FIG4: variants seen among roughly 807,000 people sequenced by gnomAD.
FIG4 encodes the protein polyphosphoinositide phosphatase.
Under a neutral mutation model 118.6 loss-of-function variants are expected in FIG4, and 112 were observed. The observed-to-expected ratio is 0.94, with a 90% confidence interval of 0.81 to 1.11. The LOEUF (loss-of-function observed/expected upper bound fraction) is 1.11, where lower values mean the gene tolerates loss of function less well. Among genes scored for constraint, FIG4 ranks in the 50% least tolerant of loss-of-function variants. The pLI is 0.00. For missense variants in FIG4, 969 were observed against 1,111.7 expected, an observed-to-expected ratio of 0.87 and a Z score of 1.83; for synonymous variants, 369 against 381.2, an observed-to-expected ratio of 0.97 and a Z score of 0.37.
intron 21 of FIG4, among the ~76,000 whole-genome samples, chr6:109,793,041 ATTCCACTTAAAATGCAG>A (rs1395666357): frequency 6.6e-6 from 1 of 152,200 alleles, no homozygotes; most frequent in East Asian, 1.9e-4. Flanking sequence ...AAGAAAATGA[ATTCCACTTAAAATGCAG>A]TTTCAGCATT....
At chr6:109,743,844 G>A in intron 10 of FIG4, 72 bp downstream of exon 10, 2 of 1,040,552 alleles carry the variant, frequency 1.9e-6, no homozygotes, top group Non-Finnish European at 1.5e-6. Context: ...CACAGAGGGG[G>A]TTAACAAGCC....
At chr6:109,778,611 T>C (rs999209767) in intron 16 of FIG4, among the ~76,000 whole-genome samples, 1 of 152,154 alleles carries the variant, frequency 6.6e-6, no homozygotes, top group Non-Finnish European at 1.5e-5. Flanking sequence ...TTGTTTGTTT[T>C]TTTCGGAGAC....
intron 14 of FIG4, 125 bp downstream of exon 14, chr6:109,765,286 T>C (rs1777249048): frequency 2.6e-6 from 2 of 773,732 alleles, no homozygotes; most frequent in African/African-American, 3.5e-5. Flanking sequence ...CTAGAAAACA[T>C]TATTCAAACT....
chr6:109,791,465 G>C lies in FIG4; in HGVS notation c.2270G>C (p.Ser757Thr). 6.2e-7 allele frequency: 1 copy of C among 1,613,988 alleles called. No individual in the cohort carries two copies. Among genetic ancestry groups the C allele is most frequent in the Non-Finnish European group, 8.5e-7 (1 of 1,180,038 alleles). Residue 757 changes from serine (S) to threonine (T), a missense_variant, in exon 20 of 23, where the codon AGC (serine) becomes ACC (threonine). This residue lies in a region of FIG4 where 330 missense variants were observed against 348.1 expected (regional missense o/e 0.95). Transcript: ENST00000230124. Reference protein sequence around the residue: ...PPPSEEAVSSSSEDDSGTDRE... With the variant: ...PPPSEEAVSSTSEDDSGTDRE... ...CCCAGCGAGGAGGCTGTGTCCAGCA[G>C]CTCTGAGGATGACTCTGGGACTGAT...
chr6:109,691,409 G>C lies in FIG4; in HGVS notation c.-27G>C. The C allele has an allele frequency of 6.4e-7, 1 of 1,562,152 alleles. No individual in the cohort carries two copies. Among genetic ancestry groups the C allele is most frequent in the Non-Finnish European group, 8.7e-7 (1 of 1,152,384 alleles). ...GGGGCGGTCCGGAGGCTCGTGCCCTGTTGTGGGGCCCCCATTTGCCGCCGC... is the reference window on the plus strand; with the variant it reads ...GGGGCGGTCCGGAGGCTCGTGCCCTCTTGTGGGGCCCCCATTTGCCGCCGC... On this transcript the variant is annotated 5_prime_UTR_variant, in exon 1 of 23. Transcript: ENST00000230124.
At chr6:109,713,504 G>A (rs760397474) in intron 1 of FIG4, among the ~76,000 whole-genome samples, 5 of 152,192 alleles carry the variant, frequency 3.3e-5, no homozygotes. Flanking sequence ...CATTGGCACA[G>A]GGGTGGGATG....
intron 16 of FIG4, among the ~76,000 whole-genome samples, chr6:109,781,376 C>G (rs1583725253): frequency 6.6e-6 from 1 of 152,150 alleles, no homozygotes; most frequent in East Asian, 1.9e-4. Flanking sequence ...TCAAGGCCCT[C>G]CAGCATTCGG....
chr6:109,726,191 T>C (rs948297928), intron 3 of FIG4, among the ~76,000 whole-genome samples: 3 of 152,214 alleles, frequency 2.0e-5, no homozygotes, highest in African/African-American at 7.2e-5. Context: ...GTGTCTTGAA[T>C]AGTATTGCCT....
chr6:109,791,500 G>A lies in FIG4; in HGVS notation c.2305G>A (p.Glu769Lys). 6.2e-7 allele frequency: 1 copy of A among 1,614,094 alleles called. No homozygotes were observed. Among genetic ancestry groups the A allele is most frequent in the Non-Finnish European group, 8.5e-7 (1 of 1,180,046 alleles). The change falls in exon 20 of 23, where the codon GAG (glutamate) becomes AAG (lysine). Residue 769 changes from glutamate to lysine, a missense_variant. This residue lies in a region of FIG4 where 330 missense variants were observed against 348.1 expected (regional missense o/e 0.95). Coordinates refer to ENST00000230124, the MANE Select transcript of FIG4 (RefSeq NM_014845.6). ...TGACTCTGGGACTGATCGGGAAGAA[G>A]AGGGCTCTGTGTCTCAGCGCTCCAC... ...EDDSGTDREE[E>K]GSVSQRSTPV...
intron 10 of FIG4, among the ~76,000 whole-genome samples, chr6:109,755,581 T>C (rs1337774237): frequency 6.6e-6 from 1 of 152,190 alleles, no homozygotes; most frequent in African/African-American, 2.4e-5. Flanking sequence ...AAAGTCTCTT[T>C]GTAGGTCACT....
At chr6:109,822,978 CTGA>C (rs1392402215) in intron 22 of FIG4, among the ~76,000 whole-genome samples, 3 of 151,594 alleles carry the variant, frequency 2.0e-5, no homozygotes, top group Non-Finnish European at 4.4e-5. Context: ...TCTAGTGAAT[CTGA>C]TGACAAATGA....
chr6:109,798,958 G>T (rs1179325469), intron 22 of FIG4, among the ~76,000 whole-genome samples: 1 of 152,096 alleles, frequency 6.6e-6, no homozygotes, highest in African/African-American at 2.4e-5. Flanking sequence ...AAATGTGCTA[G>T]TAAAATAAGA....
chr6:109,746,527 T>C (rs533819606), intron 10 of FIG4, among the ~76,000 whole-genome samples: 1 of 151,858 alleles, frequency 6.6e-6, no homozygotes. Flanking sequence ...GTGTGGTGGG[T>C]TGGAGGAAGA....
chr6:109,786,503 G>A, intron 18 of FIG4, 54 bp downstream of exon 18: 1 of 1,587,130 alleles, frequency 6.3e-7, no homozygotes, highest in African/African-American at 1.3e-5. Flanking sequence ...AGTTTTCCTA[G>A]TTTGTATATA....
rs922260214 is a variant in FIG4 at position 109,825,209 on chromosome 6, C to T, written c.2668C>T (p.Leu890=). The change falls in exon 23 of 23, where the codon CTA becomes TTA. Residue 890 remains leucine (L), a synonymous_variant. Coordinates refer to ENST00000230124, the MANE Select transcript of FIG4 (RefSeq NM_014845.6). ...IQASQGIMQP[L]GKEDSSMYRE... ...GGCCAGCCAAGGTATCATGCAGCCCCTAGGAAAAGAGGACTCCTCCATGTA... is the reference window on the plus strand; with the variant it reads ...GGCCAGCCAAGGTATCATGCAGCCCTTAGGAAAAGAGGACTCCTCCATGTA... The T allele has an allele frequency of 1.4e-5, 22 of 1,614,126 alleles. No individual in the cohort carries two copies. Among genetic ancestry groups the T allele is most frequent in the Non-Finnish European group, 1.9e-5 (22 of 1,179,998 alleles).
At chr6:109,767,551 T>A (rs1373745584) in intron 15 of FIG4, among the ~76,000 whole-genome samples, 4 of 152,134 alleles carry the variant, frequency 2.6e-5, no homozygotes, top group South Asian at 4.1e-4. Context: ...ATAGAAAAGT[T>A]TACATAATAT....
chr6:109,784,620 G>A (rs1363665558), intron 16 of FIG4, among the ~76,000 whole-genome samples: 2 of 152,216 alleles, frequency 1.3e-5, no homozygotes, highest in African/African-American at 4.8e-5. Context: ...GTAAGTCACT[G>A]TAGGCACAGT....
chr6:109,731,656 G>C (rs374586700), intron 4 of FIG4, among the ~76,000 whole-genome samples: 5 of 152,104 alleles, frequency 3.3e-5, no homozygotes, highest in Admixed American at 2.6e-4. Context: ...CATTGTATTA[G>C]GTATTATAAG....
intron 19 of FIG4, 118 bp downstream of exon 19, chr6:109,789,795 G>C: frequency 1.4e-6 from 1 of 723,098 alleles, no homozygotes; most frequent in Non-Finnish European, 2.5e-6. Context: ...AATAACACTG[G>C]GATCACTAAG....
Sources: gnomAD v4.1 joint callset for allele counts (sites outside exome capture counted in the v4.1 genomes callset) on GRCh38, gnomAD v4.1.1 for gene constraint, gnomAD v4.1.1 regional missense constraint, MANE v1.5 for transcripts, NCBI Gene and HGNC (gene_info 2026-07-23, HGNC 2026-07-21) for gene names.